MYOF: variants seen among roughly 807,000 people sequenced by gnomAD.
MYOF encodes the protein fer-1-like 3, myoferlin.
In MYOF, 244 loss-of-function variants were observed where a neutral mutation model predicts 284.2. That is an observed-to-expected ratio of 0.86 (90% confidence interval 0.77 to 0.95). The LOEUF is 0.95. Among genes scored for constraint, MYOF ranks in the 40% least tolerant of loss-of-function variants. MYOF has a pLI of 0.00. For synonymous variants in MYOF, 904 were observed against 919.7 expected, an observed-to-expected ratio of 0.98 and a Z score of 0.31; for missense variants, 2,496 against 2,560.6, an observed-to-expected ratio of 0.97 and a Z score of 0.54.
intron 15 of MYOF, 85 bp downstream of exon 15, chr10:93,397,162 C>A (rs1847056818): frequency 1.6e-6 from 2 of 1,214,342 alleles, no homozygotes; most frequent in Admixed American, 4.8e-5. Flanking sequence ...AGCAAAATAC[C>A]AGAAAGAGAC....
intron 1 of MYOF, among the ~76,000 whole-genome samples, chr10:93,460,796 GA>G (rs113799093): frequency 0.019 from 2,680 of 138,706 alleles, 91 homozygotes; most frequent in African/African-American, 0.069. Context: ...GAAAGAAAAA[GA>G]AAAAAAAAGT....
intron 7 of MYOF, among the ~76,000 whole-genome samples, chr10:93,407,926 T>C (rs1847690967): frequency 6.6e-6 from 1 of 150,788 alleles, no homozygotes; most frequent in South Asian, 2.1e-4. Context: ...TAAGCAAAGG[T>C]AGATTTAGGA....
intron 38 of MYOF, chr10:93,341,982 G>C (rs530691015): frequency 1.6e-6 from 2 of 1,289,604 alleles, no homozygotes; most frequent in African/African-American, 3.0e-5. Context: ...GGAATTGGAA[G>C]GTAATTGTTG....
At chr10:93,385,843 C>CTT (rs34820102) in intron 19 of MYOF, among the ~76,000 whole-genome samples, 7,902 of 142,798 alleles carry the variant, frequency 0.055, 284 homozygotes, top group Middle Eastern at 0.12. Context: ...ATATTGTTGA[C>CTT]TTTTTTTTTT....
intron 3 of MYOF, among the ~76,000 whole-genome samples, chr10:93,434,804 C>T (rs1360567983): frequency 6.6e-6 from 1 of 151,994 alleles, no homozygotes; most frequent in Non-Finnish European, 1.5e-5. Flanking sequence ...GGCTTTTTTA[C>T]AGGAGTATTT....
At chr10:93,409,550 G>A (rs1847800030) in intron 6 of MYOF, 23 bp downstream of exon 6, 1 of 1,606,596 alleles carries the variant, frequency 6.2e-7, no homozygotes, top group Non-Finnish European at 8.5e-7. Context: ...AAACAAAGAA[G>A]CAGAACGCCA....
intron 35 of MYOF, 85 bp from the exon 36 acceptor site, chr10:93,350,054 G>A: frequency 1.5e-6 from 2 of 1,311,616 alleles, no homozygotes; most frequent in African/African-American, 1.5e-5. Flanking sequence ...CTTAATTACT[G>A]GCAAAGTCTT....
At chr10:93,476,235 C>T (rs1287062595) in intron 1 of MYOF, among the ~76,000 whole-genome samples, 1 of 143,352 alleles carries the variant, frequency 7.0e-6, no homozygotes, top group Non-Finnish European at 1.5e-5. Context: ...TCTCACATCA[C>T]TTCCCCATTC....
intron 41 of MYOF, 67 bp from the exon 42 acceptor site, chr10:93,333,980 C>A: frequency 6.6e-7 from 1 of 1,512,894 alleles, no homozygotes; most frequent in Non-Finnish European, 8.9e-7. Context: ...CCTGGGAAGT[C>A]CCCTCCTCCG....
chr10:93,363,273 C>A (rs1462642235), intron 27 of MYOF, among the ~76,000 whole-genome samples: 1 of 152,200 alleles, frequency 6.6e-6, no homozygotes, highest in Admixed American at 6.5e-5. Context: ...CAATGGTTAT[C>A]TTTGGGGAGT....
Position 93,477,708 on chromosome 10 carries a change from G to A in MYOF, c.88+4399C>T, listed in dbSNP as rs139130104. On this transcript the variant is annotated intron_variant, in intron 1 of 53. Coordinates refer to ENST00000359263, the MANE Select transcript of MYOF (RefSeq NM_013451.4). ...CTAAAAATACAAAAATTAGCCGGGC[G>A]TGATGGCGGGCGCCTGTAATCCCAG... Among the ~76,000 whole-genome samples the A allele has an allele frequency of 4.9e-3, 748 of 151,960 alleles. 4 individuals carry two copies. Among genetic ancestry groups the A allele is most frequent in the African/African-American group, 0.017 (711 of 41,442 alleles).
chr10:93,420,528 A>T (rs370736838), intron 5 of MYOF, among the ~76,000 whole-genome samples: 39 of 152,378 alleles, frequency 2.6e-4, no homozygotes, highest in African/African-American at 9.1e-4. Flanking sequence ...AGAATTCCTT[A>T]AAAAAGAAGC....
intron 50 of MYOF, among the ~76,000 whole-genome samples, chr10:93,316,384 G>A (rs1440675489): frequency 6.6e-6 from 1 of 152,052 alleles, no homozygotes; most frequent in Non-Finnish European, 1.5e-5. Context: ...AGGAGGGTAG[G>A]AGCTGATTCC....
intron 49 of MYOF, among the ~76,000 whole-genome samples, chr10:93,318,784 ACAGCATTAG>A (rs1401605376): frequency 6.6e-6 from 1 of 152,170 alleles, no homozygotes; most frequent in Non-Finnish European, 1.5e-5. Flanking sequence ...AGTGCTTACT[ACAGCATTAG>A]CACTGAGTAG....
intron 7 of MYOF, among the ~76,000 whole-genome samples, chr10:93,406,294 A>ATATATATATG (rs2134109975): frequency 1.2e-5 from 1 of 86,838 alleles, no homozygotes; most frequent in Non-Finnish European, 2.6e-5. Context: ...TCTTTTATAT[A>ATATATATATG]TATATATATA....
At chr10:93,451,290 A>C (rs2056583227) in intron 3 of MYOF, among the ~76,000 whole-genome samples, 1 of 152,194 alleles carries the variant, frequency 6.6e-6, no homozygotes, top group Non-Finnish European at 1.5e-5. Flanking sequence ...CAGTGAGCCA[A>C]GATTGTGCCA....
intron 28 of MYOF, among the ~76,000 whole-genome samples, chr10:93,361,079 T>G (rs745640521): frequency 1.3e-5 from 2 of 152,172 alleles, no homozygotes; most frequent in African/African-American, 4.8e-5. Context: ...ACCGGTTCCA[T>G]GGGAGACAAT....
At chr10:93,325,743 A>G (rs1456382403) in intron 46 of MYOF, 83 bp downstream of exon 46, 1 of 1,462,260 alleles carries the variant, frequency 6.8e-7, no homozygotes, top group East Asian at 2.3e-5. Context: ...TATTCAAAGA[A>G]GATAAAAGGC....
intron 5 of MYOF, among the ~76,000 whole-genome samples, chr10:93,410,386 A>G (rs1177087016): frequency 6.6e-6 from 1 of 152,152 alleles, no homozygotes; most frequent in African/African-American, 2.4e-5. Context: ...CCTGCTCAGC[A>G]GAGTGAAAAT....
Sources: gnomAD v4.1 joint callset for allele counts (sites outside exome capture counted in the v4.1 genomes callset) on GRCh38, gnomAD v4.1.1 for gene constraint, MANE v1.5 for transcripts, NCBI Gene and HGNC (gene_info 2026-07-23, HGNC 2026-07-21) for gene names.